The following SH3RF2 variants were observed in gnomAD, a reference collection of about 807,000 sequenced individuals.
The protein encoded by SH3RF2 is SH3 domain containing ring finger 2, also known as E3 ubiquitin-protein ligase SH3RF2.
A neutral mutation model predicts 59.0 loss-of-function variants in SH3RF2; 43 were observed. The observed-to-expected ratio is 0.73, with a 90% confidence interval of 0.57 to 0.94. The LOEUF is 0.94. SH3RF2 is among the 40% of genes least tolerant of loss of function. The probability of loss-of-function intolerance (pLI) is 0.00; values close to 1 mark genes in which losing one functional copy is unlikely to be tolerated. For missense variants in SH3RF2, 930 were observed against 940.1 expected (o/e 0.99, Z 0.14); for synonymous variants, 391 against 391.5 (o/e 1.00, Z 0.01).
At chr5:145,984,026 A>C (rs1759606148) in intron 2 of SH3RF2, among the ~76,000 whole-genome samples, 1 of 152,134 alleles carries the variant, frequency 6.6e-6, no homozygotes, top group African/African-American at 2.4e-5. Context: ...GGTTGGGTTT[A>C]ACTGGCATAG....
At chr5:145,960,121 T>C (rs887860757) in intron 2 of SH3RF2, among the ~76,000 whole-genome samples, 7 of 152,198 alleles carry the variant, frequency 4.6e-5, no homozygotes, top group Non-Finnish European at 7.4e-5. Flanking sequence ...GTAGTGATCA[T>C]TGCCCGCTGC....
At chr5:145,955,735 T>C (rs1374544705) in intron 2 of SH3RF2, among the ~76,000 whole-genome samples, 1 of 152,230 alleles carries the variant, frequency 6.6e-6, no homozygotes, top group African/African-American at 2.4e-5. Flanking sequence ...ATGTTTTATC[T>C]ACCATAGATG....
chr5:146,035,749 C>T (rs565782579), intron 5 of SH3RF2, among the ~76,000 whole-genome samples: 5 of 152,292 alleles, frequency 3.3e-5, no homozygotes, highest in East Asian at 1.9e-4. Context: ...TCAGTCCATA[C>T]GAGAGGTGAG....
At position 145,959,986 on chromosome 5, in the gene SH3RF2, C is replaced by T. The variant is rs541668543; in HGVS notation, c.378+21680C>T. On this transcript the variant is annotated intron_variant, in intron 2 of 9. Transcript: ENST00000359120. Reference sequence around the variant, plus strand: ...AACCTAGATCCCTGGCTGAAAGCAACGCTATTAAAGCCGGCATTTTCAACT... The same window carrying T: ...AACCTAGATCCCTGGCTGAAAGCAATGCTATTAAAGCCGGCATTTTCAACT... 5.0e-4 allele frequency among the ~76,000 whole-genome samples: 76 copies of T among 152,202 alleles called. 1 individual carries two copies. In the South Asian group the frequency reaches 0.012, roughly 24 times the overall value.
chr5:146,053,621 T>C (rs977487495), intron 7 of SH3RF2, among the ~76,000 whole-genome samples: 1 of 152,322 alleles, frequency 6.6e-6, no homozygotes, highest in Non-Finnish European at 1.5e-5. Flanking sequence ...CAGCATATGA[T>C]TGGACTCTTC....
rs1216292942 is a variant in SH3RF2, at chr5:146,013,928, A to G, written c.926A>G (p.Asn309Ser). 6.2e-7 allele frequency: 1 copy of G among 1,614,024 alleles called. No individual in the cohort carries two copies. The highest frequency in any genetic ancestry group is 1.7e-5 in the Admixed American group (1 of 60,008). ...ATCACAACAGCCTTGAACACTCTCA[A>G]CCGGATGGTCCATTCTCCTTCAGGG... Reference protein sequence around the residue: ...FSITTALNTLNRMVHSPSGRH... With the variant: ...FSITTALNTLSRMVHSPSGRH... The change falls in exon 5 of 10, where the codon AAC (asparagine) becomes AGC (serine). Residue 309 changes from asparagine (N) to serine (S), a missense_variant. By Grantham distance (46) the Asn-to-Ser change is conservative. Transcript: ENST00000359120.
chr5:145,955,581 A>G (rs1758364603), intron 2 of SH3RF2, among the ~76,000 whole-genome samples: 1 of 152,196 alleles, frequency 6.6e-6, no homozygotes, highest in Non-Finnish European at 1.5e-5. Context: ...AAGGAAGATC[A>G]GGGTATTAGA....
exon 10 of SH3RF2, chr5:146,078,710 G>A (rs949285685): frequency 2.6e-5 from 4 of 152,238 alleles, no homozygotes; most frequent in Admixed American, 6.5e-5. Flanking sequence ...AAGCAAGTGA[G>A]TCATGTGCTG....
exon 10 of SH3RF2, chr5:146,080,494 C>A (rs1005548483): frequency 6.6e-6 from 1 of 152,024 alleles, no homozygotes; most frequent in Non-Finnish European, 1.5e-5. Flanking sequence ...TATAAATAAA[C>A]CTTCCATATA....
At chr5:145,958,720 C>T (rs1758511844) in intron 2 of SH3RF2, among the ~76,000 whole-genome samples, 1 of 152,198 alleles carries the variant, frequency 6.6e-6, no homozygotes, top group African/African-American at 2.4e-5. Flanking sequence ...CTCCAGGTTT[C>T]CTGACTCTCG....
intron 5 of SH3RF2, among the ~76,000 whole-genome samples, chr5:146,044,057 A>G (rs1257592726): frequency 6.6e-6 from 1 of 151,754 alleles, no homozygotes; most frequent in Non-Finnish European, 1.5e-5. Flanking sequence ...GGCCTGTACC[A>G]TTTTGCATTC....
At chr5:145,996,355 C>A (rs917237404) in intron 2 of SH3RF2, among the ~76,000 whole-genome samples, 2 of 152,192 alleles carry the variant, frequency 1.3e-5, no homozygotes, top group African/African-American at 4.8e-5. Flanking sequence ...GACTGAAGCA[C>A]TTCCTCTTAG....
At chr5:145,946,226 A>G (rs1288875137) in intron 2 of SH3RF2, among the ~76,000 whole-genome samples, 4 of 152,172 alleles carry the variant, frequency 2.6e-5, no homozygotes, top group Non-Finnish European at 4.4e-5. Context: ...AGGGACACTC[A>G]TGAGCTCAGA....
In SH3RF2 at chr5:146,073,658, A is replaced by AT. The variant is rs990059683; in HGVS notation, c.*34-4793dup. 2.1e-4 allele frequency among the ~76,000 whole-genome samples: 32 copies of AT among 149,578 alleles called. No homozygotes were observed. The East Asian group carries it at 3.5e-3, about 16-fold the overall frequency. On this transcript the variant is annotated intron_variant, in intron 9 of 9. Coordinates refer to the SH3RF2 transcript ENST00000511217. ...TCAATGTCACTTCATTCACTTACTCATTTTTTTTTCAACGGATATCAACTG... is the reference window on the plus strand; with the variant it reads ...TCAATGTCACTTCATTCACTTACTCATTTTTTTTTTCAACGGATATCAACTG...
chr5:145,977,630 C>T (rs1277258924), intron 2 of SH3RF2, among the ~76,000 whole-genome samples: 1 of 152,298 alleles, frequency 6.6e-6, no homozygotes, highest in South Asian at 2.1e-4. Flanking sequence ...GGGGGTCTTA[C>T]AGTATCCCCA....
intron 5 of SH3RF2, among the ~76,000 whole-genome samples, chr5:146,025,101 T>C (rs79894995): frequency 0.017 from 2,550 of 152,362 alleles, 77 homozygotes; most frequent in African/African-American, 0.058. Context: ...GACACAGCAC[T>C]GTGAGCTTTA....
At chr5:146,035,039 G>C (rs1761881690) in intron 5 of SH3RF2, among the ~76,000 whole-genome samples, 1 of 152,016 alleles carries the variant, frequency 6.6e-6, no homozygotes, top group African/African-American at 2.4e-5. Flanking sequence ...CCGAGAAGTG[G>C]AGATTGCAGT....
intron 5 of SH3RF2, among the ~76,000 whole-genome samples, chr5:146,038,394 T>G (rs1762014585): frequency 6.6e-6 from 1 of 152,174 alleles, no homozygotes; most frequent in African/African-American, 2.4e-5. Context: ...TAACTGTCAT[T>G]ATTTGCAGAT....
At chr5:145,958,783 G>A (rs1561709869) in intron 2 of SH3RF2, among the ~76,000 whole-genome samples, 3 of 152,118 alleles carry the variant, frequency 2.0e-5, no homozygotes, top group African/African-American at 4.8e-5. Context: ...CCGGGCCATT[G>A]TAATCAGTTT....
Sources: gnomAD v4.1 joint callset for allele counts (sites outside exome capture counted in the v4.1 genomes callset) on GRCh38, gnomAD v4.1.1 for gene constraint, MANE v1.5 for transcripts, NCBI Gene and HGNC (gene_info 2026-07-23, HGNC 2026-07-21) for gene names.